Variants in AFG3L2 observed in about 807,000 individuals in gnomAD.
AFG3L2 encodes the protein mitochondrial inner membrane m-AAA protease component AFG3L2.
Under a neutral mutation model 94.5 loss-of-function variants are expected in AFG3L2, and 54 were observed. The ratio of observed to expected loss-of-function variants is 0.57; its 90% CI spans 0.46 to 0.72. The LOEUF (loss-of-function observed/expected upper bound fraction) is 0.72. Among genes scored for constraint, AFG3L2 ranks in the 30% least tolerant of loss-of-function variants. The pLI, the probability that AFG3L2 is intolerant of heterozygous loss-of-function variation, is 0.00. For synonymous variants in AFG3L2, 377 were observed against 365.5 expected, an observed-to-expected ratio of 1.03 and a Z score of -0.36; for missense variants, 754 against 994.9, an observed-to-expected ratio of 0.76 and a Z score of 3.26.
rs768444338 is a variant in AFG3L2 at position 12,358,760 on chromosome 18, G to C, written c.936C>G (p.Gly312=). The C allele has an allele frequency of 6.2e-7, 1 of 1,614,220 alleles. No individual in the cohort carries two copies. The highest frequency in any genetic ancestry group is 1.7e-5 in the Admixed American group (1 of 60,030). The change falls in exon 8 of 17, where the codon GGC becomes GGG. Residue 312 remains glycine (G), a synonymous_variant. Transcript: ENST00000269143. The part of the protein sequence containing the change: ...EIDVKFKDVA[G]CEEAKLEIME... The stretch of plus-strand genomic sequence containing the variant: ...TGATCTCTAGCTTGGCCTCCTCACA[G>C]CCAGCCACATCTTTGAACTTCACAT...
At chr18:12,376,914 C>T (rs1909177183) in intron 1 of AFG3L2, 55 bp downstream of exon 1, 2 of 1,303,526 alleles carry the variant, frequency 1.5e-6, no homozygotes, top group South Asian at 1.7e-5. Flanking sequence ...CTCTCCCGAG[C>T]CGGAAGTGGG....
intron 6 of AFG3L2, 193 bp from the exon 7 acceptor site, chr18:12,360,244 T>C (rs1908618765): frequency 5.1e-6 from 3 of 586,262 alleles, no homozygotes; most frequent in Non-Finnish European, 5.9e-6. Context: ...TTGGCAATTC[T>C]TGGCAAATAA....
chr18:12,365,826 C>T (rs927193944), intron 5 of AFG3L2, among the ~76,000 whole-genome samples: 1 of 151,116 alleles, frequency 6.6e-6, no homozygotes, highest in African/African-American at 2.4e-5. Flanking sequence ...CCCAAGGCTA[C>T]ACAGCAGGCC....
chr18:12,352,999 A>G lies in AFG3L2; in HGVS notation c.1318+6T>C, dbSNP rs201522350. On this transcript the variant is annotated splice_donor_region_variant and intron_variant, in intron 10 of 16. Transcript: ENST00000269143. The stretch of plus-strand genomic sequence containing the variant: ...AGTTAAAGATACAAAAGCCTTGACC[A>G]CTCACCATCCATCTCCACCAGCAGC... 1 of 1,612,272 alleles carries G rather than the reference A, an allele frequency of 6.2e-7. No homozygotes were observed. The highest frequency in any genetic ancestry group is 8.5e-7 in the Non-Finnish European group (1 of 1,179,654).
intron 16 of AFG3L2, 71 bp from the exon 17 acceptor site, chr18:12,329,854 T>A: frequency 7.4e-7 from 1 of 1,345,612 alleles, no homozygotes; most frequent in South Asian, 1.2e-5. Flanking sequence ...AATTTTTTAT[T>A]TACAGGTGAC....
chr18:12,370,077 A>AAAAAAAC, intron 3 of AFG3L2, among the ~76,000 whole-genome samples: 1 of 151,098 alleles, frequency 6.6e-6, no homozygotes, highest in Admixed American at 6.6e-5. Context: ...AAAAAAAAAA[A>AAAAAAAC]AGCAAGGAAG....
chr18:12,370,326 G>A (rs1004872841), intron 3 of AFG3L2, among the ~76,000 whole-genome samples: 1 of 152,002 alleles, frequency 6.6e-6, no homozygotes, highest in South Asian at 2.1e-4. Context: ...ATACCTCTAA[G>A]GTAGCCTTAA....
intron 2 of AFG3L2, 42 bp from the exon 3 acceptor site, chr18:12,370,968 T>C (rs1908970282): frequency 7.2e-6 from 9 of 1,245,696 alleles, no homozygotes; most frequent in Non-Finnish European, 9.2e-6. Context: ...CAAACTAAAA[T>C]TCATCAGGTT....
intron 12 of AFG3L2, among the ~76,000 whole-genome samples, chr18:12,349,952 G>A (rs985637142): frequency 2.7e-5 from 4 of 150,426 alleles, no homozygotes; most frequent in African/African-American, 1.0e-4. Context: ...GTGAGCCACC[G>A]TACCTGGCCA....
chr18:12,370,139 TAA>T (rs1339355596), intron 3 of AFG3L2, among the ~76,000 whole-genome samples: 1 of 150,502 alleles, frequency 6.6e-6, no homozygotes, highest in African/African-American at 2.4e-5. Context: ...CACCGTGCTC[TAA>T]AAAAGTCTCT....
chr18:12,374,253 C>T (rs945428401), intron 1 of AFG3L2, among the ~76,000 whole-genome samples: 16 of 152,202 alleles, frequency 1.1e-4, no homozygotes, highest in African/African-American at 3.9e-4. Context: ...GTAAGAGATA[C>T]TAATTCACAA....
intron 7 of AFG3L2, 55 bp from the exon 8 acceptor site, chr18:12,358,998 A>T (rs7407640): frequency 1.9e-6 from 3 of 1,567,802 alleles, no homozygotes; most frequent in South Asian, 2.3e-5. Context: ...TCCAGCTTTC[A>T]CATGTGGTGC....
chr18:12,331,089 A>C (rs1253286479), intron 16 of AFG3L2, among the ~76,000 whole-genome samples: 1 of 152,194 alleles, frequency 6.6e-6, no homozygotes, highest in Non-Finnish European at 1.5e-5. Flanking sequence ...TGGTCCCGTA[A>C]GATTATAATA....
chr18:12,360,778 C>A (rs1292933562), intron 6 of AFG3L2, among the ~76,000 whole-genome samples: 2 of 152,188 alleles, frequency 1.3e-5, no homozygotes, highest in African/African-American at 2.4e-5. Context: ...TGTTTCCATT[C>A]TACAGATGAC....
intron 12 of AFG3L2, among the ~76,000 whole-genome samples, chr18:12,348,603 G>T (rs1908218706): frequency 6.6e-6 from 1 of 152,188 alleles, no homozygotes; most frequent in South Asian, 2.1e-4. Context: ...TAAGATGAAA[G>T]TATTAGTAGT....
Position 12,351,390 on chromosome 18 carries a change from C to T in AFG3L2, c.1342G>A (p.Val448Ile), listed in dbSNP as rs368011609. Reference sequence around the variant, plus strand: ...GGTCGATTGGTGCCGGCCAAAATGACGACATTTGTTGTTGTATTAAAACCT... The same window carrying T: ...GGTCGATTGGTGCCGGCCAAAATGATGACATTTGTTGTTGTATTAAAACCT... ...MDGFNTTTNV[V>I]ILAGTNRPDI... Residue 448 changes from valine (V) to isoleucine (I), a missense_variant, in exon 11 of 17, where the codon GTC becomes ATC. Around this residue, in one of 4 missense-constraint regions of AFG3L2, gnomAD observed 109 missense variants for 227.1 expected, o/e 0.48. Coordinates refer to ENST00000269143, the MANE Select transcript of AFG3L2 (RefSeq NM_006796.3). The T allele has an allele frequency of 1.1e-5, 17 of 1,614,036 alleles. No individual in the cohort carries two copies. The highest frequency in any genetic ancestry group is 1.3e-5 in the Non-Finnish European group (15 of 1,180,006).
intron 16 of AFG3L2, among the ~76,000 whole-genome samples, chr18:12,332,003 G>A (rs757951761): frequency 2.6e-5 from 4 of 151,924 alleles, no homozygotes; most frequent in East Asian, 1.9e-4. Context: ...GACCCCTACC[G>A]GAGTACACAC....
intron 10 of AFG3L2, 43 bp from the exon 11 acceptor site, chr18:12,351,456 G>A (rs763241242): frequency 6.4e-7 from 1 of 1,559,928 alleles, no homozygotes; most frequent in Non-Finnish European, 8.8e-7. Flanking sequence ...ATGACAAGAG[G>A]CAGAAAGCAA....
rs574474685 is a variant in AFG3L2 at position 12,351,472 on chromosome 18, C to A, written c.1319-59G>T. On this transcript the variant is annotated intron_variant, in intron 10 of 16. Transcript: ENST00000269143. ...TGACAAGAGGCAGAAAGCAACAGTG[C>A]ACCATCAGGAACATATGAGCACTGC... is the stretch of plus-strand genomic sequence containing the variant. 2,864 of 1,433,296 alleles carry A rather than the reference C, an allele frequency of 2.0e-3. 20 individuals carry two copies. Among genetic ancestry groups the A allele is most frequent in the Middle Eastern group, 0.013 (74 of 5,670 alleles). The allele number at this position is 1,433,296 out of a possible 1,614,324, so 88.8% of individuals were successfully genotyped here.
Sources: gnomAD v4.1 joint callset for allele counts (sites outside exome capture counted in the v4.1 genomes callset) on GRCh38, gnomAD v4.1.1 for gene constraint, gnomAD v4.1.1 regional missense constraint, MANE v1.5 for transcripts, NCBI Gene and HGNC (gene_info 2026-07-23, HGNC 2026-07-21) for gene names.